CACNA1D: variants seen among roughly 807,000 people sequenced by gnomAD.
CACNA1D encodes calcium voltage-gated channel subunit alpha1 D.
In CACNA1D, 55 loss-of-function variants were observed where a neutral mutation model predicts 257.1. The ratio of observed to expected loss-of-function variants is 0.21; its 90% CI spans 0.17 to 0.27. The LOEUF (loss-of-function observed/expected upper bound fraction) is 0.27. CACNA1D is among the 10% of genes least tolerant of loss of function. The pLI is 1.00. For missense variants in CACNA1D, 1,876 were observed against 2,784.0 expected (o/e 0.67, Z 7.34); for synonymous variants, 980 against 1,014.9 (o/e 0.97, Z 0.65).
chr3:53,514,096 A>G (rs547182659), intron 3 of CACNA1D, among the ~76,000 whole-genome samples: 5 of 152,154 alleles, frequency 3.3e-5, no homozygotes, highest in Non-Finnish European at 7.3e-5. Context: ...AATCTTTACC[A>G]TAAACCCACA....
intron 20 of CACNA1D, among the ~76,000 whole-genome samples, chr3:53,737,214 T>C (rs1050314906): frequency 1.1e-4 from 16 of 152,194 alleles, no homozygotes; most frequent in Admixed American, 4.6e-4. Flanking sequence ...GTATGAGCAG[T>C]GAGCTGAGAT....
intron 30 of CACNA1D, among the ~76,000 whole-genome samples, chr3:53,768,414 G>T (rs1474991409): frequency 6.6e-6 from 1 of 152,240 alleles, no homozygotes; most frequent in African/African-American, 2.4e-5. Context: ...GGGAAGAGTG[G>T]AACCTTCCTG....
intron 3 of CACNA1D, among the ~76,000 whole-genome samples, chr3:53,571,719 A>G (rs2107690754): frequency 6.6e-6 from 1 of 152,288 alleles, no homozygotes; most frequent in Non-Finnish European, 1.5e-5. Flanking sequence ...AAGCAGGAAA[A>G]TAATATCGCC....
chr3:53,591,233 T>A (rs1213788286), intron 3 of CACNA1D, among the ~76,000 whole-genome samples: 2 of 152,142 alleles, frequency 1.3e-5, no homozygotes, highest in Admixed American at 6.5e-5. Context: ...TCCTCCTTTA[T>A]ATTTTTAATT....
At chr3:53,676,158 A>G (rs752398240) in intron 8 of CACNA1D, among the ~76,000 whole-genome samples, 2 of 152,194 alleles carry the variant, frequency 1.3e-5, no homozygotes, top group Non-Finnish European at 2.9e-5. Context: ...AGAAGGGCAC[A>G]TATTCAGTAG....
chr3:53,625,142 G>A (rs1363289349), intron 3 of CACNA1D, among the ~76,000 whole-genome samples: 2 of 152,112 alleles, frequency 1.3e-5, no homozygotes, highest in Non-Finnish European at 2.9e-5. Context: ...TGGGTATAGG[G>A]CATCTATGAG....
In CACNA1D at chr3:53,666,347, G is replaced by C. The variant is rs1026156097; in HGVS notation, c.928G>C (p.Ala310Pro). Residue 310 changes from alanine to proline, a missense_variant, in exon 7 of 48, where the codon GCT (alanine) becomes CCT (proline). Physicochemically the swap from Ala to Pro is conservative, Grantham distance 27 (BLOSUM62 -1). Transcript: ENST00000350061. ...TCFFADSDIV[A>P]EEDPAPCAFS... is the part of the protein sequence containing the mutation. ...GTTTGCTCTGTTTGCAGATATCGTA[G>C]CTGAAGAGGACCCAGCTCCATGTGC... 6.2e-6 allele frequency: 10 copies of C among 1,613,808 alleles called. No homozygotes were observed. The highest frequency in any genetic ancestry group is 1.3e-5 in the African/African-American group (1 of 74,928).
chr3:53,568,411 C>T (rs575694679), intron 3 of CACNA1D, among the ~76,000 whole-genome samples: 12 of 152,176 alleles, frequency 7.9e-5, no homozygotes, highest in African/African-American at 2.2e-4. Flanking sequence ...GCCTCACTCT[C>T]GGCCGATGGC....
intron 3 of CACNA1D, among the ~76,000 whole-genome samples, chr3:53,508,673 T>A (rs1444047427): frequency 6.6e-6 from 1 of 152,210 alleles, no homozygotes; most frequent in Non-Finnish European, 1.5e-5. Flanking sequence ...TCTTTTTTTT[T>A]AACCTTCCTC....
intron 23 of CACNA1D, among the ~76,000 whole-genome samples, chr3:53,745,274 T>A (rs2095157218): frequency 6.6e-6 from 1 of 151,704 alleles, no homozygotes; most frequent in Admixed American, 6.6e-5. Context: ...GGAGTCTTGC[T>A]CTGTTGCCCA....
In CACNA1D at chr3:53,723,556, G is replaced by A; in HGVS notation, c.1789G>A (p.Gly597Ser). Residue 597 changes from glycine (G) to serine (S), a missense_variant, in exon 13 of 48, where the codon GGT (glycine) becomes AGT (serine). Physicochemically the swap from Gly to Ser is moderately conservative, Grantham distance 56. This residue lies in a region of CACNA1D where 257 missense variants were observed against 399.7 expected (regional missense o/e 0.64). Coordinates refer to ENST00000350061, the MANE Select transcript of CACNA1D (RefSeq NM_001128840.3). The surrounding 1 kb of genome is among the most constrained non-coding windows in gnomAD (Gnocchi z 5.6). ...FNRFDCFVVC[G>S]GITETILVEL... ...CCGGTTTGATTGCTTCGTGGTGTGT[G>A]GTGGAATCACTGAGACGATCTTGGT... is the stretch of plus-strand genomic sequence containing the variant. 1 of 1,614,016 alleles carries A rather than the reference G, an allele frequency of 6.2e-7. No individual in the cohort carries two copies. The highest frequency in any genetic ancestry group is 8.5e-7 in the Non-Finnish European group (1 of 1,179,998).
intron 3 of CACNA1D, among the ~76,000 whole-genome samples, chr3:53,617,171 C>T (rs2093646470): frequency 6.6e-6 from 1 of 152,146 alleles, no homozygotes; most frequent in Admixed American, 6.5e-5. Flanking sequence ...ACGATACTCA[C>T]TGTTGATAGC....
At chr3:53,760,388 G>A (rs911941290) in intron 29 of CACNA1D, among the ~76,000 whole-genome samples, 2 of 152,156 alleles carry the variant, frequency 1.3e-5, no homozygotes, top group African/African-American at 4.8e-5. Context: ...ACACCTCAAA[G>A]TACTTTTTGT....
chr3:53,559,418 T>C (rs1376784147), intron 3 of CACNA1D, among the ~76,000 whole-genome samples: 3 of 152,244 alleles, frequency 2.0e-5, no homozygotes, highest in African/African-American at 7.2e-5. Context: ...CTAGACATCT[T>C]GAATATTTTT....
At chr3:53,633,470 G>T (rs140661941) in intron 3 of CACNA1D, among the ~76,000 whole-genome samples, 6 of 102,960 alleles carry the variant, frequency 5.8e-5, no homozygotes, top group East Asian at 3.6e-4. Context: ...AAACAAAAAG[G>T]CTGAGTTAGA....
chr3:53,609,838 A>G (rs1054896906), intron 3 of CACNA1D, among the ~76,000 whole-genome samples: 22 of 152,142 alleles, frequency 1.4e-4, no homozygotes, highest in African/African-American at 5.3e-4. Context: ...TTTCTGTGGT[A>G]GAAGGTTGCA....
In CACNA1D at chr3:53,501,651, C is replaced by A; in HGVS notation, c.414C>A (p.Ala138=). 6.2e-7 allele frequency: 1 copy of A among 1,601,464 alleles called. No homozygotes were observed. Among genetic ancestry groups the A allele is most frequent in the Non-Finnish European group, 8.6e-7 (1 of 1,169,020 alleles). Residue 138 remains alanine, a synonymous_variant, in exon 3 of 48, where the codon GCC becomes GCA. Coordinates refer to ENST00000350061, the MANE Select transcript of CACNA1D (RefSeq NM_001128840.3). ...TATTTATATTATTGGCTATTTTTGCCAATTGTGTGGCCTTAGCTATTTACA... is the reference window on the plus strand; with the variant it reads ...TATTTATATTATTGGCTATTTTTGCAAATTGTGTGGCCTTAGCTATTTACA... ...FDIFILLAIF[A]NCVALAIYIP...
chr3:53,679,532 T>C (rs2094409356), intron 8 of CACNA1D: 1 of 152,102 alleles, frequency 6.6e-6, no homozygotes, highest in Non-Finnish European at 1.5e-5. Context: ...GTTAATTCCA[T>C]ATCTTGGCCA....
rs921972321 is a variant in CACNA1D at position 53,747,510 on chromosome 3, C to T, written c.3314+62C>T. The T allele has an allele frequency of 3.1e-5, 48 of 1,528,338 alleles. No homozygotes were observed. In the South Asian group the frequency reaches 5.1e-4, roughly 16 times the overall value. The allele number at this position is 1,528,338 out of a possible 1,614,324, so 94.7% of individuals were successfully genotyped here. A position where few individuals can be genotyped will look rare whatever the true frequency, so the allele number is the denominator to read the frequency against. Reference sequence around the variant, plus strand: ...CCTGCGTGCCCAGGGCTGAGCCCTCCCTCCTGGAGTCAGTCCCATTTCTGT... The same window carrying T: ...CCTGCGTGCCCAGGGCTGAGCCCTCTCTCCTGGAGTCAGTCCCATTTCTGT... On this transcript the variant is annotated intron_variant, in intron 26 of 47. Coordinates refer to ENST00000350061, the MANE Select transcript of CACNA1D (RefSeq NM_001128840.3).
Sources: gnomAD v4.1 joint callset for allele counts (sites outside exome capture counted in the v4.1 genomes callset) on GRCh38, gnomAD v4.1.1 for gene constraint, gnomAD v4.1.1 regional missense constraint, Gnocchi (gnomAD v3.1) non-coding constraint, MANE v1.5 for transcripts, NCBI Gene and HGNC (gene_info 2026-07-23, HGNC 2026-07-21) for gene names.